Variants in BCAR1 observed in about 807,000 individuals in gnomAD.
BCAR1 encodes BCAR1 scaffold protein, Cas family member, also known as breast cancer anti-estrogen resistance protein 1.
Under a neutral mutation model 67.6 loss-of-function variants are expected in BCAR1, and 30 were observed. The observed-to-expected ratio is 0.44, with a 90% CI of 0.33 to 0.60. BCAR1 has a LOEUF of 0.60. BCAR1 is among the 20% of genes least tolerant of loss of function. The probability of loss-of-function intolerance (pLI) is 0.02; values close to 1 mark genes in which losing one functional copy is unlikely to be tolerated. For synonymous variants in BCAR1, 626 were observed against 556.7 expected (o/e 1.12, Z -1.75); for missense variants, 1,313 against 1,222.3 (o/e 1.07, Z -1.11).
intron 1 of BCAR1, among the ~76,000 whole-genome samples, chr16:75,245,227 G>A (rs1214519284): frequency 2.0e-5 from 3 of 152,294 alleles, no homozygotes; most frequent in East Asian, 1.9e-4. Context: ...CATCGGGGGC[G>A]GGCCACCCTT....
At chr16:75,241,263 T>C (rs1444063635) in intron 2 of BCAR1, among the ~76,000 whole-genome samples, 1 of 152,154 alleles carries the variant, frequency 6.6e-6, no homozygotes, top group Admixed American at 6.5e-5. Context: ...TTATGGGGTA[T>C]GGGATGCAGA....
chr16:75,246,681 A>T (rs983667487), intron 1 of BCAR1: 1 of 152,546 alleles, frequency 6.6e-6, no homozygotes, highest in Non-Finnish European at 1.5e-5. Context: ...CCACGGCCAG[A>T]TAAGCCCAGA....
intron 6 of BCAR1, among the ~76,000 whole-genome samples, chr16:75,233,182 G>T (rs964058051): frequency 1.3e-5 from 2 of 152,134 alleles, no homozygotes; most frequent in African/African-American, 4.8e-5. Flanking sequence ...GACCAGCCTG[G>T]GCAATGTGGT....
In BCAR1 at chr16:75,242,917, G is replaced by C; in HGVS notation, c.186C>G (p.Ile62Met). The change falls in exon 2 of 7, where the codon ATC becomes ATG. Residue 62 changes from isoleucine (I) to methionine (M), a missense_variant. Coordinates refer to ENST00000162330, the MANE Select transcript of BCAR1 (RefSeq NM_014567.5). ...QGIVPGNRLK[I>M]LVGMYDKKPA... Reference sequence around the variant, plus strand: ...GCTTCTTATCATACATGCCCACCAAGATCTTGAGGCGGTTCCCAGGCACGA... The same window carrying C: ...GCTTCTTATCATACATGCCCACCAACATCTTGAGGCGGTTCCCAGGCACGA... The C allele has an allele frequency of 6.2e-7, 1 of 1,612,636 alleles. No individual in the cohort carries two copies. Among genetic ancestry groups the C allele is most frequent in the Non-Finnish European group, 8.5e-7 (1 of 1,179,794 alleles).
upstream of BCAR1, among the ~76,000 whole-genome samples, chr16:75,253,555 G>A (rs1288745050): frequency 6.6e-6 from 1 of 152,188 alleles, no homozygotes; most frequent in Non-Finnish European, 1.5e-5. Flanking sequence ...AACAGCACTG[G>A]GGGTGGGGCT....
chr16:75,231,315 C>G (rs1034426943), intron 6 of BCAR1, among the ~76,000 whole-genome samples: 7 of 152,108 alleles, frequency 4.6e-5, no homozygotes, highest in Admixed American at 3.3e-4. Flanking sequence ...AAACTCCTGA[C>G]CTCAGATGAT....
At chr16:75,258,730 C>T (rs2077833064) in intron 1 of BCAR1, among the ~76,000 whole-genome samples, 1 of 152,220 alleles carries the variant, frequency 6.6e-6, no homozygotes, top group African/African-American at 2.4e-5. Flanking sequence ...ACTCCTTCGG[C>T]GTGAAGAGCC....
intron 1 of BCAR1, among the ~76,000 whole-genome samples, chr16:75,260,906 A>G (rs1039099750): frequency 3.3e-5 from 5 of 152,112 alleles, no homozygotes; most frequent in Admixed American, 2.0e-4. Flanking sequence ...TTCCCCATAC[A>G]TTACATAATT....
At chr16:75,267,394 C>T (rs796217552) in intron 1 of BCAR1, among the ~76,000 whole-genome samples, 25 of 124,882 alleles carry the variant, frequency 2.0e-4, no homozygotes, top group African/African-American at 1.0e-3. Context: ...CACAGCAAGC[C>T]GGGGGGGGGG....
chr16:75,232,158 C>G (rs760376441), intron 6 of BCAR1, among the ~76,000 whole-genome samples: 1 of 148,758 alleles, frequency 6.7e-6, no homozygotes, highest in Non-Finnish European at 1.5e-5. Context: ...GTTTTTAAAA[C>G]AATTTTATTT....
chr16:75,267,213 C>G (rs1484324795), intron 1 of BCAR1, among the ~76,000 whole-genome samples: 2 of 152,202 alleles, frequency 1.3e-5, no homozygotes, highest in East Asian at 1.9e-4. Context: ...GAGGGAAATC[C>G]AGGCCTCCCA....
chr16:75,252,009 C>G (rs2077692978), upstream of BCAR1: 1 of 646,702 alleles, frequency 1.5e-6, no homozygotes, highest in South Asian at 2.0e-5. Context: ...TTGTCTTTCC[C>G]GCTAACCAAC....
At chr16:75,244,585 C>T (rs1474284066) in intron 1 of BCAR1, among the ~76,000 whole-genome samples, 1 of 152,246 alleles carries the variant, frequency 6.6e-6, no homozygotes, top group African/African-American at 2.4e-5. Context: ...CATTCAGACC[C>T]CATGGTTCAC....
upstream of BCAR1, among the ~76,000 whole-genome samples, chr16:75,252,876 ACAG>A (rs1481384864): frequency 3.3e-5 from 5 of 152,298 alleles, no homozygotes; most frequent in African/African-American, 7.2e-5. Flanking sequence ...AGGGGCTAGG[ACAG>A]CCCATGATTT....
intron 1 of BCAR1, 96 bp downstream of exon 1, chr16:75,251,375 C>A: frequency 7.0e-7 from 1 of 1,438,384 alleles, no homozygotes; most frequent in Non-Finnish European, 9.2e-7. Flanking sequence ...TTCCCAGGCC[C>A]CGCAGGTCCG....
intron 1 of BCAR1, chr16:75,243,366 T>G (rs941364837): frequency 1.4e-5 from 9 of 631,238 alleles, no homozygotes; most frequent in Admixed American, 8.8e-5. Context: ...GGGATGACCC[T>G]CAAGATATCC....
At chr16:75,251,431 C>A in intron 1 of BCAR1, 40 bp downstream of exon 1, 1 of 1,471,730 alleles carries the variant, frequency 6.8e-7, no homozygotes. Context: ...GCTGCCGCCT[C>A]CAAGCCCGTA....
chr16:75,250,955 G>A (rs1375181771), intron 1 of BCAR1: 1 of 985,308 alleles, frequency 1.0e-6, no homozygotes. Flanking sequence ...ATTAACTGGA[G>A]CCGGGTGCTC....
At chr16:75,265,846 C>T in intron 1 of BCAR1, 3 of 1,177,130 alleles carry the variant, frequency 2.5e-6, no homozygotes, top group South Asian at 8.4e-5. Context: ...TCTTGGCCGC[C>T]GCCCCCGGGG....
Sources: gnomAD v4.1 joint callset for allele counts (sites outside exome capture counted in the v4.1 genomes callset) on GRCh38, gnomAD v4.1.1 for gene constraint, MANE v1.5 for transcripts, NCBI Gene and HGNC (gene_info 2026-07-23, HGNC 2026-07-21) for gene names.